PAX5: variants seen among roughly 807,000 people sequenced by gnomAD.
PAX5 encodes paired box 5, also known as paired box protein Pax-5.
PAX5 carries 9 observed loss-of-function variants against 43.7 expected under a neutral mutation model. The ratio of observed to expected loss-of-function variants is 0.21; its 90% CI spans 0.12 to 0.36. PAX5 has a LOEUF of 0.36. PAX5 is among the 10% of genes least tolerant of loss of function. PAX5 has a pLI of 1.00. For synonymous variants in PAX5, 228 were observed against 214.3 expected (o/e 1.06, Z -0.56); for missense variants, 383 against 532.7 (o/e 0.72, Z 2.77).
chr9:36,995,421 G>A (rs140818376), intron 5 of PAX5, among the ~76,000 whole-genome samples: 10 of 152,338 alleles, frequency 6.6e-5, no homozygotes, highest in Non-Finnish European at 1.2e-4. Flanking sequence ...AGGAAAGGGA[G>A]GCCCGCGAGA....
chr9:36,882,479 A>C lies in PAX5; in HGVS notation c.911-374T>G, dbSNP rs897963509. 2.2e-4 allele frequency among the ~76,000 whole-genome samples: 34 copies of C among 152,074 alleles called. No homozygotes were observed. Among genetic ancestry groups the C allele is most frequent in the African/African-American group, 8.0e-4 (33 of 41,466 alleles). On this transcript the variant is annotated intron_variant, in intron 7 of 9. Coordinates refer to ENST00000358127, the MANE Select transcript of PAX5 (RefSeq NM_016734.3). This position sits in a 1 kb window ranked among gnomAD's most constrained non-coding sequence, Gnocchi z 4.4. ...CCCCAAGAATGGCTGGGACCTCTCCATCTCCACACTGTTGTTTCTGCTATG... is the reference window on the plus strand; with the variant it reads ...CCCCAAGAATGGCTGGGACCTCTCCCTCTCCACACTGTTGTTTCTGCTATG...
At chr9:36,973,085 G>T (rs75474204) in intron 5 of PAX5, among the ~76,000 whole-genome samples, 17,039 of 95,132 alleles carry the variant, frequency 0.18, 1,518 homozygotes, top group African/African-American at 0.26. Context: ...GAACGGAACG[G>T]AAAGGAAAGG....
rs932124351 is a variant in PAX5 at position 36,839,835 on chromosome 9, G to A, written c.*725C>T. On this transcript the variant is annotated 3_prime_UTR_variant, in exon 10 of 10. Transcript: ENST00000358127. ...GGAAAAGAGCTGCTGATACTGCATC[G>A]GTCCCAGAGAAATGGAGGCAGGAAA... 5 of 233,616 alleles carry A rather than the reference G, an allele frequency of 2.1e-5. No homozygotes were observed. The highest frequency in any genetic ancestry group is 3.6e-4 in the South Asian group (2 of 5,542). 14.5% of individuals were successfully genotyped at this position (233,616 alleles called of 1,614,324 possible).
In PAX5 at chr9:37,008,343, C is replaced by T. The variant is rs541271141; in HGVS notation, c.411-1806G>A. Among the ~76,000 whole-genome samples the T allele has an allele frequency of 1.0e-3, 153 of 152,328 alleles. 1 individual carries two copies. The Middle Eastern group carries it at 0.017, about 17-fold the overall frequency. On this transcript the variant is annotated intron_variant, in intron 3 of 9. Coordinates refer to ENST00000358127, the MANE Select transcript of PAX5 (RefSeq NM_016734.3). ...TGCTGGGATTACAGGCGTGAGCCAC[C>T]GCACTCAGCCTCCATGTATACAGTT...
chr9:37,023,997 A>T (rs1163835845), intron 1 of PAX5, among the ~76,000 whole-genome samples: 2 of 152,062 alleles, frequency 1.3e-5, no homozygotes, highest in East Asian at 3.9e-4. Context: ...CCTTCTGTGA[A>T]CCCTCTGAAG....
intron 1 of PAX5, among the ~76,000 whole-genome samples, chr9:37,032,285 A>G (rs1441828788): frequency 3.9e-5 from 6 of 152,162 alleles, no homozygotes; most frequent in Non-Finnish European, 8.8e-5. Context: ...TCTTCTACAC[A>G]GCTTGTCGGG....
At chr9:36,863,600 C>A (rs1191932387) in intron 8 of PAX5, among the ~76,000 whole-genome samples, 2 of 152,208 alleles carry the variant, frequency 1.3e-5, no homozygotes, top group Non-Finnish European at 2.9e-5. Flanking sequence ...AGCTCTCAGG[C>A]CCCTGTGTTT....
At chr9:36,840,664 G>C (rs757965870) in intron 9 of PAX5, 28 bp from the exon 10 acceptor site, 1 of 1,466,222 alleles carries the variant, frequency 6.8e-7, no homozygotes, top group African/African-American at 1.4e-5. Flanking sequence ...GAGCACCGAG[G>C]TCAGATCCGG....
At chr9:36,972,265 GCATGGCAGGGC>G (rs1022848164) in intron 5 of PAX5, among the ~76,000 whole-genome samples, 8 of 152,284 alleles carry the variant, frequency 5.3e-5, no homozygotes, top group African/African-American at 1.4e-4. Flanking sequence ...CTGCTCCTTA[GCATGGCAGGGC>G]CGTGGCAGGG....
At chr9:36,949,712 C>T (rs952812347) in intron 6 of PAX5, among the ~76,000 whole-genome samples, 2 of 152,212 alleles carry the variant, frequency 1.3e-5, no homozygotes, top group Non-Finnish European at 2.9e-5. Flanking sequence ...GTCCCTGACG[C>T]ACTCCCCAGT....
At chr9:37,033,599 T>TACACACAC (rs56039556) in intron 1 of PAX5, among the ~76,000 whole-genome samples, 5,316 of 149,232 alleles carry the variant, frequency 0.036, 79 homozygotes, top group Admixed American at 0.046. Flanking sequence ...AGTATAAAGA[T>TACACACAC]ACACACACAC....
chr9:37,010,223 G>T (rs1319657181), intron 3 of PAX5, among the ~76,000 whole-genome samples: 1 of 152,172 alleles, frequency 6.6e-6, no homozygotes, highest in East Asian at 1.9e-4. Flanking sequence ...ACACCAAATT[G>T]CCCGTCCCTT....
chr9:36,912,450 T>C (rs997603584), intron 7 of PAX5, among the ~76,000 whole-genome samples: 18 of 152,254 alleles, frequency 1.2e-4, no homozygotes, highest in African/African-American at 4.3e-4. Flanking sequence ...TCTGGTAATC[T>C]GGCTTCCCTG....
chr9:37,019,375 G>A (rs978550950), intron 2 of PAX5, among the ~76,000 whole-genome samples: 1 of 152,006 alleles, frequency 6.6e-6, no homozygotes, highest in African/African-American at 2.4e-5. Context: ...CAGGAGTGAA[G>A]CCCACAGCCC....
At chr9:36,949,606 C>T (rs560441139) in intron 6 of PAX5, among the ~76,000 whole-genome samples, 162 of 152,324 alleles carry the variant, frequency 1.1e-3, no homozygotes, top group African/African-American at 3.8e-3. Context: ...GAGCTCAAAA[C>T]TAACGTAACA....
At chr9:37,031,961 A>G (rs1841025760) in intron 1 of PAX5, among the ~76,000 whole-genome samples, 1 of 152,216 alleles carries the variant, frequency 6.6e-6, no homozygotes, top group South Asian at 2.1e-4. Context: ...CAACCCTTTG[A>G]GCACCAGCTT....
At chr9:36,864,608 C>A (rs1158565536) in intron 8 of PAX5, among the ~76,000 whole-genome samples, 1 of 152,250 alleles carries the variant, frequency 6.6e-6, no homozygotes, top group Non-Finnish European at 1.5e-5. Flanking sequence ...TCGGCCCAGG[C>A]CAGCTAAGGC....
chr9:36,916,729 G>C (rs1829754306), intron 7 of PAX5, among the ~76,000 whole-genome samples: 1 of 151,982 alleles, frequency 6.6e-6, no homozygotes, highest in Non-Finnish European at 1.5e-5. Flanking sequence ...ACATCATCCA[G>C]GCTGGAATGC....
rs967323569 is a variant in PAX5, at chr9:36,912,144, A to G, written c.910+11211T>C. Among the ~76,000 whole-genome samples the G allele has an allele frequency of 4.6e-5, 7 of 152,362 alleles. No homozygotes were observed. In the South Asian group the frequency reaches 1.4e-3, roughly 32 times the overall value. ...GCGGGATCAGGACCCTTCGGAGAGC[A>G]TCCCCACGTAGAGAGCTGTCGCTGG... On this transcript the variant is annotated intron_variant, in intron 7 of 9. Coordinates refer to ENST00000358127, the MANE Select transcript of PAX5 (RefSeq NM_016734.3).
Sources: gnomAD v4.1 joint callset for allele counts (sites outside exome capture counted in the v4.1 genomes callset) on GRCh38, gnomAD v4.1.1 for gene constraint, Gnocchi (gnomAD v3.1) non-coding constraint, MANE v1.5 for transcripts, NCBI Gene and HGNC (gene_info 2026-07-23, HGNC 2026-07-21) for gene names.